Variants in IPO5 observed in about 807,000 individuals in gnomAD.
IPO5 encodes the protein importin-5.
A neutral mutation model predicts 143.3 loss-of-function variants in IPO5; 18 were observed. The observed-to-expected ratio is 0.13, with a 90% CI of 0.09 to 0.19. The LOEUF (loss-of-function observed/expected upper bound fraction) is 0.19. Among genes scored for constraint, IPO5 ranks in the 10% least tolerant of loss-of-function variants. The pLI is 1.00. For synonymous variants in IPO5, 477 were observed against 465.7 expected (o/e 1.02, Z -0.31); for missense variants, 1,013 against 1,336.9 (o/e 0.76, Z 3.78).
chr13:97,994,429 A>G (rs1888064082), intron 11 of IPO5, among the ~76,000 whole-genome samples: 1 of 152,266 alleles, frequency 6.6e-6, no homozygotes, highest in South Asian at 2.1e-4. Context: ...AGATCCTTAG[A>G]TATGAGAACA....
At position 98,006,326 on chromosome 13, in the gene IPO5, G is replaced by A; in HGVS notation, c.1694G>A (p.Gly565Asp). 1 of 1,490,016 alleles carries A rather than the reference G, an allele frequency of 6.7e-7. No individual in the cohort carries two copies. The highest frequency in any genetic ancestry group is 9.2e-7 in the Non-Finnish European group (1 of 1,086,328). 92.3% of individuals were successfully genotyped at this position (1,490,016 alleles called of 1,614,324 possible). A position where few individuals can be genotyped will look rare whatever the true frequency, so the allele number is the denominator to read the frequency against. ...ACTATTGAATGCATTAGCCTCATTGGTCTGGCTGTTGGGAAGGAAAAAGTA... is the reference window on the plus strand; with the variant it reads ...ACTATTGAATGCATTAGCCTCATTGATCTGGCTGTTGGGAAGGAAAAAGTA... ...GKTIECISLI[G>D]LAVGKEKFMQ... The change falls in exon 17 of 29, where the codon GGT becomes GAT. Residue 565 changes from glycine to aspartate, a missense_variant. Around this residue, in one of 2 missense-constraint regions of IPO5, gnomAD observed 685 missense variants for 994.9 expected, o/e 0.69. Coordinates refer to ENST00000651721, the MANE Select transcript of IPO5 (RefSeq NM_002271.6).
Position 98,015,827 on chromosome 13 carries a change from G to C in IPO5, c.2493+46G>C, listed in dbSNP as rs1219106218. 2.4e-5 allele frequency: 31 copies of C among 1,266,394 alleles called. 1 individual carries two copies. The East Asian group carries it at 7.2e-4, about 29-fold the overall frequency. The allele number at this position is 1,266,394 out of a possible 1,614,324, so 78.4% of individuals were successfully genotyped here. On this transcript the variant is annotated intron_variant, in intron 24 of 28. Coordinates refer to ENST00000651721, the MANE Select transcript of IPO5 (RefSeq NM_002271.6). Reference sequence around the variant, plus strand: ...CTTACTTACGTGACCACTTGCATCTGAAAGACTTGTAAATGCCTCAATTTC... The same window carrying C: ...CTTACTTACGTGACCACTTGCATCTCAAAGACTTGTAAATGCCTCAATTTC...
chr13:98,016,214 TTGTG>T (rs1890113901), intron 24 of IPO5, among the ~76,000 whole-genome samples: 1 of 152,168 alleles, frequency 6.6e-6, no homozygotes, highest in Non-Finnish European at 1.5e-5. Flanking sequence ...GCATACTTCA[TTGTG>T]TGTTTAGAGT....
intron 22 of IPO5, among the ~76,000 whole-genome samples, chr13:98,015,086 C>G (rs193103058): frequency 2.0e-5 from 3 of 152,248 alleles, no homozygotes; most frequent in East Asian, 3.9e-4. Flanking sequence ...ATTTACACTC[C>G]TGTAATTCAG....
At chr13:97,959,495 C>T (rs1007308867) in intron 2 of IPO5, among the ~76,000 whole-genome samples, 1 of 151,802 alleles carries the variant, frequency 6.6e-6, no homozygotes, top group Non-Finnish European at 1.5e-5. Flanking sequence ...TTTGGGAGGC[C>T]GAGGCGGGTG....
Position 98,019,614 on chromosome 13 carries a change from C to T in IPO5, c.2870C>T (p.Ser957Phe), listed in dbSNP as rs776677484. Residue 957 changes from serine (S) to phenylalanine (F), a missense_variant, in exon 27 of 29, where the codon TCT (serine) becomes TTT (phenylalanine). By Grantham distance (155) the Ser-to-Phe change is radical. Around this residue, in one of 2 missense-constraint regions of IPO5, gnomAD observed 685 missense variants for 994.9 expected, o/e 0.69. Transcript: ENST00000651721. ...CCCCTGCTGGTAAGAGTTATTCAGT[C>T]TGCGGATTCTAAGACCAAAGAAAAT... ...ALPLLVRVIQ[S>F]ADSKTKENVN... The T allele has an allele frequency of 1.2e-6, 2 of 1,613,882 alleles. No individual in the cohort carries two copies. The highest frequency in any genetic ancestry group is 1.3e-5 in the African/African-American group (1 of 74,932).
intron 2 of IPO5, among the ~76,000 whole-genome samples, chr13:97,963,782 G>C (rs1049876616): frequency 6.6e-6 from 1 of 152,068 alleles, no homozygotes; most frequent in South Asian, 2.1e-4. Context: ...TGAATTTTTA[G>C]AATCAGTTTG....
intron 2 of IPO5, among the ~76,000 whole-genome samples, chr13:97,968,103 A>T (rs1885508391): frequency 6.6e-6 from 1 of 152,172 alleles, no homozygotes; most frequent in African/African-American, 2.4e-5. Flanking sequence ...GATTAGAGAC[A>T]TGAGGCACCG....
At chr13:97,980,103 C>G (rs1288879648) in intron 4 of IPO5, among the ~76,000 whole-genome samples, 1 of 152,172 alleles carries the variant, frequency 6.6e-6, no homozygotes, top group African/African-American at 2.4e-5. Context: ...TGATAACATT[C>G]ACTGAACCTA....
intron 4 of IPO5, 27 bp from the exon 5 acceptor site, chr13:97,982,476 C>G (rs1886931105): frequency 1.3e-6 from 2 of 1,492,354 alleles, no homozygotes; most frequent in Admixed American, 3.5e-5. Context: ...AACATTCTTT[C>G]CTAACCATTT....
chr13:98,006,214 G>A lies in IPO5; in HGVS notation c.1582G>A (p.Val528Ile). 1 of 1,613,660 alleles carries A rather than the reference G, an allele frequency of 6.2e-7. No individual in the cohort carries two copies. Among genetic ancestry groups the A allele is most frequent in the Non-Finnish European group, 8.5e-7 (1 of 1,179,694 alleles). ...TGCCGATACTGCAGAAGAAAAATTTGTCCCCTACTATGATTTATTTATGCC... is the reference window on the plus strand; with the variant it reads ...TGCCGATACTGCAGAAGAAAAATTTATCCCCTACTATGATTTATTTATGCC... The part of the protein sequence containing the change: ...SVADTAEEKF[V>I]PYYDLFMPSL... Residue 528 changes from valine (V) to isoleucine (I), a missense_variant, in exon 17 of 29, where the codon GTC becomes ATC. Physicochemically the swap from Val to Ile is conservative, Grantham distance 29. Around this residue, in one of 2 missense-constraint regions of IPO5, gnomAD observed 685 missense variants for 994.9 expected, o/e 0.69. Transcript: ENST00000651721.
Position 97,963,527 on chromosome 13 carries a change from G to A in IPO5, c.-112-6196G>A, listed in dbSNP as rs184133172. Among the ~76,000 whole-genome samples, 212 of 151,762 alleles carry A rather than the reference G, an allele frequency of 1.4e-3. 1 individual carries two copies. In the South Asian group the frequency reaches 0.018, roughly 13 times the overall value. On this transcript the variant is annotated intron_variant, in intron 2 of 28. Coordinates refer to ENST00000651721, the MANE Select transcript of IPO5 (RefSeq NM_002271.6). Reference sequence around the variant, plus strand: ...TGGGACTACAGGCATGCACCCTCACGCCCGGCTAATTTTTTGTATTTTAGT... The same window carrying A: ...TGGGACTACAGGCATGCACCCTCACACCCGGCTAATTTTTTGTATTTTAGT...
intron 7 of IPO5, 76 bp downstream of exon 7, chr13:97,989,240 G>T: frequency 1.3e-6 from 1 of 766,692 alleles, no homozygotes; most frequent in Non-Finnish European, 2.1e-6. Context: ...GATTATTTTA[G>T]CCTAATTTAA....
In IPO5 at chr13:98,006,356, ATTTTTTTTTTTTTTTTTTTTT is replaced by A. The variant is rs568589408; in HGVS notation, c.1716+24_1716+44del. ...GCTGTTGGGAAGGAAAAAGTAAGTA[ATTTTTTTTTTTTTTTTTTTTT>A]TTTTTTTTTTTTTTTGAGACAGAGT... On this transcript the variant is annotated intron_variant, in intron 17 of 28. Coordinates refer to ENST00000651721, the MANE Select transcript of IPO5 (RefSeq NM_002271.6). 2.6e-4 allele frequency: 144 copies of A among 556,862 alleles called. 3 individuals carry two copies. In the African/African-American group the frequency reaches 5.3e-3, roughly 20 times the overall value. The allele number at this position is 556,862 out of a possible 1,614,324, so 34.5% of individuals were successfully genotyped here. A position where few individuals can be genotyped will look rare whatever the true frequency, so the allele number is the denominator to read the frequency against.
At chr13:97,958,552 T>G (rs534058011) in intron 2 of IPO5, among the ~76,000 whole-genome samples, 1 of 152,078 alleles carries the variant, frequency 6.6e-6, no homozygotes, top group South Asian at 2.1e-4. Flanking sequence ...TCTATCTCAT[T>G]TTGTGTTTAG....
At chr13:97,966,887 T>G (rs1885389072) in intron 2 of IPO5, among the ~76,000 whole-genome samples, 1 of 152,000 alleles carries the variant, frequency 6.6e-6, no homozygotes, top group Admixed American at 6.6e-5. Context: ...AACACAAAAA[T>G]TAGCCGGGTG....
intron 3 of IPO5, among the ~76,000 whole-genome samples, chr13:97,974,168 C>T (rs192406804): frequency 1.9e-4 from 29 of 152,320 alleles, no homozygotes; most frequent in Admixed American, 8.5e-4. Flanking sequence ...AACCTACAGA[C>T]TCATTGCCAA....
intron 4 of IPO5, chr13:97,980,084 T>A: frequency 2.6e-6 from 1 of 385,896 alleles, no homozygotes; most frequent in South Asian, 1.9e-5. Context: ...AAATTTTGTT[T>A]GCCACAACTG....
intron 21 of IPO5, among the ~76,000 whole-genome samples, chr13:98,012,874 G>T (rs557784602): frequency 6.7e-6 from 1 of 149,122 alleles, no homozygotes; most frequent in African/African-American, 2.5e-5. Context: ...TCAAACTCCT[G>T]GGCTCAAGCA....
Sources: allele counts gnomAD v4.1 joint callset (sites outside exome capture counted in the v4.1 genomes callset), GRCh38; gene constraint gnomAD v4.1.1; regional missense constraint gnomAD v4.1.1; transcripts MANE v1.5; gene names NCBI Gene and HGNC (gene_info 2026-07-23, HGNC 2026-07-21).